RTN1: variants seen among roughly 807,000 people sequenced by gnomAD.
The protein encoded by RTN1 is reticulon 1.
A neutral mutation model predicts 65.5 loss-of-function variants in RTN1; 25 were observed. The observed-to-expected ratio is 0.38, with a 90% CI of 0.28 to 0.53. The LOEUF (loss-of-function observed/expected upper bound fraction) is 0.53. Ranked by LOEUF, RTN1 falls within the 20% of genes least tolerant of loss-of-function variation. RTN1 has a pLI of 0.79. For synonymous variants in RTN1, 471 were observed against 447.6 expected, an observed-to-expected ratio of 1.05 and a Z score of -0.66; for missense variants, 983 against 1,025.4, an observed-to-expected ratio of 0.96 and a Z score of 0.57.
intron 3 of RTN1, among the ~76,000 whole-genome samples, chr14:59,658,389 G>A (rs1197428429): frequency 2.6e-5 from 3 of 116,036 alleles, no homozygotes; most frequent in African/African-American, 1.1e-4. Flanking sequence ...GCTCTGCTAA[G>A]GGACAGACTG....
intron 3 of RTN1, among the ~76,000 whole-genome samples, chr14:59,686,874 C>T (rs73309690): frequency 0.023 from 3,544 of 152,296 alleles, 146 homozygotes; most frequent in African/African-American, 0.081. Context: ...CATTTTTAAT[C>T]CAGGCACATT....
chr14:59,838,396 A>G (rs1303433411), intron 1 of RTN1, among the ~76,000 whole-genome samples: 1 of 152,192 alleles, frequency 6.6e-6, no homozygotes, highest in African/African-American at 2.4e-5. Flanking sequence ...AGAAAAGTGT[A>G]CAAACAACCA....
At chr14:59,819,416 C>CA (rs1886890572) in intron 1 of RTN1, among the ~76,000 whole-genome samples, 5 of 11,560 alleles carry the variant, frequency 4.3e-4, no homozygotes, top group African/African-American at 1.5e-3. Context: ...CCACCACCAC[C>CA]CCCCCCCCAC....
chr14:59,746,809 T>C (rs1427168967), intron 1 of RTN1, among the ~76,000 whole-genome samples: 1 of 152,170 alleles, frequency 6.6e-6, no homozygotes, highest in Admixed American at 6.5e-5. Context: ...ATCTTAGTAT[T>C]ATTAAAAAGA....
chr14:59,728,096 T>C (rs951190061), intron 2 of RTN1, among the ~76,000 whole-genome samples: 13 of 152,134 alleles, frequency 8.5e-5, no homozygotes, highest in South Asian at 4.1e-4. Flanking sequence ...AGCACTCTAA[T>C]TGGGCCCACG....
chr14:59,607,165 ACT>A (rs1312059720), intron 4 of RTN1, 118 bp downstream of exon 4: 1 of 762,806 alleles, frequency 1.3e-6, no homozygotes, highest in East Asian at 2.7e-5. Flanking sequence ...GTTAGGGGAG[ACT>A]CTAAGAGGTC....
chr14:59,740,741 A>G (rs1176364269), intron 2 of RTN1, among the ~76,000 whole-genome samples: 1 of 152,188 alleles, frequency 6.6e-6, no homozygotes, highest in African/African-American at 2.4e-5. Flanking sequence ...AGGGAAACTA[A>G]AACTTTAACA....
At chr14:59,823,611 C>A (rs966036011) in intron 1 of RTN1, among the ~76,000 whole-genome samples, 2 of 152,092 alleles carry the variant, frequency 1.3e-5, no homozygotes, top group Admixed American at 1.3e-4. Context: ...CCATCTCTTC[C>A]GGCTTACAAA....
intron 1 of RTN1, among the ~76,000 whole-genome samples, chr14:59,749,656 G>T (rs533795280): frequency 0.098 from 1,534 of 15,658 alleles, 109 homozygotes; most frequent in African/African-American, 0.37. Flanking sequence ...TATTTATATA[G>T]ATATCTATAT....
At chr14:59,688,324 C>T (rs1361724522) in intron 3 of RTN1, among the ~76,000 whole-genome samples, 1 of 152,166 alleles carries the variant, frequency 6.6e-6, no homozygotes, top group Non-Finnish European at 1.5e-5. Context: ...ATGCAGAGAC[C>T]TTGAGGCCTA....
intron 2 of RTN1, among the ~76,000 whole-genome samples, chr14:59,729,051 T>C (rs1036343722): frequency 6.6e-6 from 1 of 152,178 alleles, no homozygotes; most frequent in Admixed American, 6.5e-5. Context: ...CAATTTTAAA[T>C]AGGGGAGTCC....
rs543559023 is a variant in RTN1, at chr14:59,739,199, G to C, written c.1015+6509C>G. On this transcript the variant is annotated intron_variant, in intron 2 of 8. Transcript: ENST00000267484. ...AGTCTTTTATTAGGCAGGCATTAGT[G>C]GATCCTGGAAGGGTTAGGATGAGCT... Among the ~76,000 whole-genome samples, 11 of 152,222 alleles carry C rather than the reference G, an allele frequency of 7.2e-5. 1 individual carries two copies. The highest frequency in any genetic ancestry group is 2.0e-4 in the Admixed American group (3 of 15,280).
intron 1 of RTN1, among the ~76,000 whole-genome samples, chr14:59,840,907 A>G (rs889320460): frequency 1.3e-5 from 2 of 152,220 alleles, no homozygotes; most frequent in East Asian, 1.9e-4. Flanking sequence ...AGTAATTTGC[A>G]CAAGCAATGA....
chr14:59,682,382 T>C (rs1883763238), intron 3 of RTN1, among the ~76,000 whole-genome samples: 1 of 152,204 alleles, frequency 6.6e-6, no homozygotes, highest in South Asian at 2.1e-4. Context: ...TGCATTGTGC[T>C]GGCTGCTGGG....
intron 1 of RTN1, among the ~76,000 whole-genome samples, chr14:59,779,041 T>A (rs1460775757): frequency 2.6e-5 from 4 of 152,032 alleles, no homozygotes; most frequent in African/African-American, 9.7e-5. Context: ...GTCTGGAAAC[T>A]GGAAGATCAG....
chr14:59,847,955 G>A (rs1887438237), intron 1 of RTN1, among the ~76,000 whole-genome samples: 1 of 152,136 alleles, frequency 6.6e-6, no homozygotes, highest in African/African-American at 2.4e-5. Context: ...TTTTAGCCAG[G>A]CCACTCTGCT....
chr14:59,715,373 G>A (rs1884512141), intron 3 of RTN1, among the ~76,000 whole-genome samples: 1 of 152,178 alleles, frequency 6.6e-6, no homozygotes, highest in Admixed American at 6.5e-5. Flanking sequence ...AGGAAAAGAT[G>A]TCTCCATAAG....
chr14:59,764,382 GC>G (rs1335233013), intron 1 of RTN1, among the ~76,000 whole-genome samples: 2 of 151,296 alleles, frequency 1.3e-5, no homozygotes, highest in African/African-American at 4.9e-5. Context: ...ATGCAATGGC[GC>G]AACCTCGGCT....
rs546799973 is a variant in RTN1, at chr14:59,611,927, G to C, written c.1766-4435C>G. Reference sequence around the variant, plus strand: ...TAACTCAGGGAACCATCCTTATCTGGTCACATTCCATGAGCCCCAAAGAAG... The same window carrying C: ...TAACTCAGGGAACCATCCTTATCTGCTCACATTCCATGAGCCCCAAAGAAG... On this transcript the variant is annotated intron_variant, in intron 3 of 8. Transcript: ENST00000267484. Among the ~76,000 whole-genome samples the C allele has an allele frequency of 1.1e-4, 17 of 152,250 alleles. No homozygotes were observed. The South Asian group carries it at 3.5e-3, about 32-fold the overall frequency.
Sources: gnomAD v4.1 joint callset for allele counts (sites outside exome capture counted in the v4.1 genomes callset) on GRCh38, gnomAD v4.1.1 for gene constraint, MANE v1.5 for transcripts, NCBI Gene and HGNC (gene_info 2026-07-23, HGNC 2026-07-21) for gene names.